MARK3: variants seen among roughly 807,000 people sequenced by gnomAD.
MARK3 encodes the protein microtubule affinity regulating kinase 3, also known as MAP/microtubule affinity-regulating kinase 3.
A neutral mutation model predicts 90.1 loss-of-function variants in MARK3; 46 were observed. The observed-to-expected ratio is 0.51, with a 90% CI of 0.40 to 0.65. The LOEUF (loss-of-function observed/expected upper bound fraction) is 0.65, where lower values mean the gene tolerates loss of function less well. Among genes scored for constraint, MARK3 ranks in the 30% least tolerant of loss-of-function variants. The pLI, the probability that MARK3 is intolerant of heterozygous loss-of-function variation, is 0.00. For synonymous variants in MARK3, 321 were observed against 332.6 expected, an observed-to-expected ratio of 0.97 and a Z score of 0.38; for missense variants, 818 against 947.2, an observed-to-expected ratio of 0.86 and a Z score of 1.79.
At chr14:103,405,705 A>G (rs974719755) in intron 2 of MARK3, among the ~76,000 whole-genome samples, 2 of 151,472 alleles carry the variant, frequency 1.3e-5, no homozygotes, top group Admixed American at 6.6e-5. Flanking sequence ...TAAATTTGTA[A>G]TACATAGCTG....
chr14:103,391,709 ATTTTTTTTTTTT>A (rs71126012), intron 1 of MARK3, among the ~76,000 whole-genome samples: 2 of 69,684 alleles, frequency 2.9e-5, no homozygotes, highest in East Asian at 3.7e-4. Flanking sequence ...ATGCCTGGCT[ATTTTTTTTTTTT>A]TTTTTTTTTT....
At chr14:103,499,432 C>G (rs1046685113) in intron 16 of MARK3, 3 of 152,156 alleles carry the variant, frequency 2.0e-5, no homozygotes, top group Non-Finnish European at 2.9e-5. Flanking sequence ...TGTGCTCCAG[C>G]CTAGGGGAGT....
At chr14:103,393,540 T>G (rs2090399341) in intron 1 of MARK3, among the ~76,000 whole-genome samples, 2 of 152,314 alleles carry the variant, frequency 1.3e-5, no homozygotes, top group Admixed American at 1.3e-4. Context: ...GACTTCAATT[T>G]GAGCATCCTT....
intron 1 of MARK3, among the ~76,000 whole-genome samples, chr14:103,402,964 A>G (rs2091051311): frequency 6.6e-6 from 1 of 152,126 alleles, no homozygotes; most frequent in Non-Finnish European, 1.5e-5. Context: ...TCAGGTTACA[A>G]TAGGCAGTTT....
At chr14:103,390,069 A>G (rs1027391960) in intron 1 of MARK3, among the ~76,000 whole-genome samples, 14 of 151,750 alleles carry the variant, frequency 9.2e-5, no homozygotes, top group African/African-American at 3.2e-4. Flanking sequence ...TAACACGGTG[A>G]AACCCTGTGT....
intron 12 of MARK3, among the ~76,000 whole-genome samples, chr14:103,470,455 A>ATTTGTTTTTTTTT (rs2093604677): frequency 1.8e-5 from 1 of 55,050 alleles, no homozygotes; most frequent in Non-Finnish European, 3.4e-5. Context: ...AACTAAATCT[A>ATTTGTTTTTTTTT]TTTTTTTTTT....
At chr14:103,501,586 A>G (rs566709052) in intron 17 of MARK3, among the ~76,000 whole-genome samples, 566 of 152,158 alleles carry the variant, frequency 3.7e-3, no homozygotes, top group Non-Finnish European at 5.4e-3. Context: ...TTGAAATCCC[A>G]TGGCTCTTCA....
chr14:103,414,028 A>C (rs1017519357), intron 2 of MARK3, among the ~76,000 whole-genome samples: 1 of 152,190 alleles, frequency 6.6e-6, no homozygotes, highest in African/African-American at 2.4e-5. Flanking sequence ...TGTGAACATA[A>C]GTTTTAATTT....
At chr14:103,478,488 C>T (rs1186270056) in intron 13 of MARK3, among the ~76,000 whole-genome samples, 1 of 150,470 alleles carries the variant, frequency 6.6e-6, no homozygotes, top group Admixed American at 6.6e-5. Flanking sequence ...CTACTTCTTT[C>T]TTTGACTCAG....
At chr14:103,481,757 CTTTTTTTTTTT>C (rs71126030) in intron 14 of MARK3, among the ~76,000 whole-genome samples, 23 of 49,802 alleles carry the variant, frequency 4.6e-4, no homozygotes, top group Non-Finnish European at 6.7e-4. Flanking sequence ...ATAGGTATTT[CTTTTTTTTTTT>C]TTTTTTTTTT....
At chr14:103,491,002 C>T (rs1235203743) in intron 14 of MARK3, 2 of 1,288,290 alleles carry the variant, frequency 1.6e-6, no homozygotes, top group Non-Finnish European at 1.0e-6. Context: ...GTTTGTACAT[C>T]TACCTGTCGG....
At chr14:103,491,074 C>T (rs976120540) in intron 14 of MARK3, 23 of 1,284,196 alleles carry the variant, frequency 1.8e-5, no homozygotes, top group African/African-American at 6.1e-5. Flanking sequence ...ATGTTACCTC[C>T]AATAGACAGT....
intron 13 of MARK3, among the ~76,000 whole-genome samples, chr14:103,477,312 T>C (rs1040843189): frequency 1.3e-5 from 2 of 152,088 alleles, no homozygotes; most frequent in Non-Finnish European, 2.9e-5. Flanking sequence ...GCCAACATGG[T>C]GAAATCCCAT....
At chr14:103,436,837 C>A (rs1245189391) in intron 3 of MARK3, among the ~76,000 whole-genome samples, 4 of 152,270 alleles carry the variant, frequency 2.6e-5, no homozygotes, top group Admixed American at 6.5e-5. Context: ...CTCCTGTAAT[C>A]CCAGCACTTT....
intron 3 of MARK3, among the ~76,000 whole-genome samples, chr14:103,445,071 G>A (rs2092960227): frequency 6.6e-6 from 1 of 151,814 alleles, no homozygotes; most frequent in Admixed American, 6.6e-5. Context: ...CTTATAATTT[G>A]TTGATTTTTT....
At chr14:103,440,975 G>T (rs1468353230) in intron 3 of MARK3, among the ~76,000 whole-genome samples, 1 of 150,346 alleles carries the variant, frequency 6.7e-6, no homozygotes, top group Non-Finnish European at 1.5e-5. Context: ...TCTCATTATG[G>T]TTTTAATGTA....
chr14:103,447,484 T>C (rs1028758646), intron 3 of MARK3, among the ~76,000 whole-genome samples: 3 of 152,146 alleles, frequency 2.0e-5, no homozygotes, highest in Admixed American at 6.5e-5. Context: ...CGCTTTTGCC[T>C]CCTGGAGGTT....
chr14:103,485,021 C>CA (rs1354914953), intron 14 of MARK3, among the ~76,000 whole-genome samples: 1 of 145,286 alleles, frequency 6.9e-6, no homozygotes, highest in East Asian at 2.0e-4. Context: ...AGTTTGAGAC[C>CA]AGCCTGACCA....
intron 2 of MARK3, among the ~76,000 whole-genome samples, chr14:103,407,844 C>T (rs1470633060): frequency 1.3e-5 from 2 of 152,116 alleles, no homozygotes; most frequent in African/African-American, 4.8e-5. Context: ...CAGGTGTAAG[C>T]CAGCGTGCCC....
Sources: gnomAD v4.1 joint callset for allele counts (sites outside exome capture counted in the v4.1 genomes callset) on GRCh38, gnomAD v4.1.1 for gene constraint, MANE v1.5 for transcripts, NCBI Gene and HGNC (gene_info 2026-07-23, HGNC 2026-07-21) for gene names.